The following POLD1 variants were observed in gnomAD, a reference collection of about 807,000 sequenced individuals.
POLD1 encodes the protein DNA polymerase delta catalytic subunit.
A neutral mutation model predicts 129.7 loss-of-function variants in POLD1; 79 were observed. The observed-to-expected ratio is 0.61, with a 90% confidence interval of 0.51 to 0.73. POLD1 has a LOEUF of 0.73. POLD1 is among the 30% of genes least tolerant of loss of function. The pLI is 0.00. For missense variants in POLD1, 1,338 were observed against 1,595.8 expected, an observed-to-expected ratio of 0.84 and a Z score of 2.75; for synonymous variants, 714 against 683.3, an observed-to-expected ratio of 1.04 and a Z score of -0.70.
intron 1 of POLD1, among the ~76,000 whole-genome samples, chr19:50,398,076 G>A (rs1472110659): frequency 6.6e-6 from 1 of 152,214 alleles, no homozygotes; most frequent in Non-Finnish European, 1.5e-5. Context: ...GAGAGAGGCG[G>A]TGAGAGAGCA....
At position 50,402,734 on chromosome 19, in the gene POLD1, C is replaced by A. The variant is rs2122260840; in HGVS notation, c.963C>A (p.Gly321=). The A allele has an allele frequency of 6.3e-7, 1 of 1,591,290 alleles. No individual in the cohort carries two copies. Among genetic ancestry groups the A allele is most frequent in the Non-Finnish European group, 8.6e-7 (1 of 1,164,748 alleles). ...RVLSFDIECA[G]RKGIFPEPER... ...TCAGCTTCGATATCGAGTGCGCCGG[C>A]CGCAAAGGTCTGTCCCCGGGCCCGG... The change falls in exon 8 of 27, where the codon GGC becomes GGA. Residue 321 remains glycine, a synonymous_variant. Transcript: ENST00000440232.
In POLD1 at chr19:50,408,824, G is replaced by C. The variant is rs767011677; in HGVS notation, c.1815G>C (p.Ser605=). 1 of 1,613,958 alleles carries C rather than the reference G, an allele frequency of 6.2e-7. No individual in the cohort carries two copies. The highest frequency in any genetic ancestry group is 8.5e-7 in the Non-Finnish European group (1 of 1,179,978). The change falls in exon 15 of 27, where the codon TCG becomes TCC. Residue 605 remains serine, a synonymous_variant. Transcript: ENST00000440232. ...CCATCGCCACCCTGGACTTCTCCTCGCTGTACCCGTCCATCATGATGGCCC... is the reference window on the plus strand; with the variant it reads ...CCATCGCCACCCTGGACTTCTCCTCCCTGTACCCGTCCATCATGATGGCCC... ...DVPIATLDFS[S]LYPSIMMAHN...
In POLD1 at chr19:50,407,031, G is replaced by A. The variant is rs1169141963; in HGVS notation, c.1543G>A (p.Asp515Asn). 6.2e-7 allele frequency: 1 copy of A among 1,613,628 alleles called. No individual in the cohort carries two copies. The highest frequency in any genetic ancestry group is 1.1e-5 in the South Asian group (1 of 91,070). The change falls in exon 13 of 27, where the codon GAT becomes AAT. Residue 515 changes from aspartate to asparagine, a missense_variant. By Grantham distance (23) the Asp-to-Asn change is conservative. Coordinates refer to ENST00000440232, the MANE Select transcript of POLD1 (RefSeq NM_002691.4). ...RRRLAVYCLK[D>N]AYLPLRLLER... ...CCGCCTGGCTGTGTACTGCCTGAAG[G>A]ATGCCTACCTGCCACTGCGGCTGCT...
At chr19:50,386,457 A>G (rs887854507) in intron 1 of POLD1, among the ~76,000 whole-genome samples, 1 of 152,190 alleles carries the variant, frequency 6.6e-6, no homozygotes, top group African/African-American at 2.4e-5. Flanking sequence ...GTCTTGAAGT[A>G]ACCGGACACT....
chr19:50,392,487 T>C (rs904678359), intron 1 of POLD1, among the ~76,000 whole-genome samples: 1 of 152,060 alleles, frequency 6.6e-6, no homozygotes, highest in African/African-American at 2.4e-5. Context: ...CTTTTTCTTG[T>C]TTTGTTTTGA....
intron 1 of POLD1, among the ~76,000 whole-genome samples, chr19:50,394,542 C>T (rs940457856): frequency 6.6e-6 from 1 of 152,052 alleles, no homozygotes; most frequent in African/African-American, 2.4e-5. Context: ...GTAATCCCAG[C>T]TACTCGGGAG....
At chr19:50,404,965 A>G (rs1427362543) in intron 10 of POLD1, among the ~76,000 whole-genome samples, 1 of 150,572 alleles carries the variant, frequency 6.6e-6, no homozygotes, top group Non-Finnish European at 1.5e-5. Flanking sequence ...GGGTTTCTCC[A>G]TGTTGGCCAG....
intron 26 of POLD1, among the ~76,000 whole-genome samples, 169 bp from the exon 27 acceptor site, chr19:50,417,673 C>T (rs992626350): frequency 8.5e-5 from 3 of 35,360 alleles, no homozygotes; most frequent in South Asian, 9.0e-4. Flanking sequence ...TTATCGGCTC[C>T]CCCCCCCCAC....
At position 50,399,277 on chromosome 19, in the gene POLD1, C is replaced by T. The variant is rs977883384; in HGVS notation, c.203-94C>T. 5 of 1,188,556 alleles carry T rather than the reference C, an allele frequency of 4.2e-6. No individual in the cohort carries two copies. The African/African-American group carries it at 7.6e-5, about 18-fold the overall frequency. 73.6% of individuals were successfully genotyped at this position (1,188,556 alleles called of 1,614,324 possible). A position where few individuals can be genotyped will look rare whatever the true frequency, so the allele number is the denominator to read the frequency against. On this transcript the variant is annotated intron_variant, in intron 2 of 26. Coordinates refer to ENST00000440232, the MANE Select transcript of POLD1 (RefSeq NM_002691.4). The stretch of plus-strand genomic sequence containing the variant: ...CAAGTTTCCTGCCTGACCCAGACCA[C>T]CACCTCTGCCTGGCTCCTTTCAGAA...
chr19:50,417,178 C>T lies in POLD1; in HGVS notation c.3127C>T (p.His1043Tyr), dbSNP rs2122506710. The T allele has an allele frequency of 1.9e-6, 3 of 1,604,564 alleles. No individual in the cohort carries two copies. The South Asian group carries it at 3.3e-5, about 18-fold the overall frequency. The change falls in exon 26 of 27, where the codon CAT becomes TAT. Residue 1043 changes from histidine (H) to tyrosine (Y), a missense_variant. Physicochemically the swap from His to Tyr is moderately conservative, Grantham distance 83 (BLOSUM62 2). Coordinates refer to ENST00000440232, the MANE Select transcript of POLD1 (RefSeq NM_002691.4). ...ESELYQKEVSHLNALEERFSR... is the reference protein window; with the variant it reads ...ESELYQKEVSYLNALEERFSR... ...CAGCCGCTGCCGTCCCCAGGTATCC[C>T]ATCTGAATGCCCTGGAGGAGCGCTT...
In POLD1 at chr19:50,407,423, C is replaced by T. The variant is rs1555791540; in HGVS notation, c.1775+8C>T. On this transcript the variant is annotated splice_region_variant and intron_variant, in intron 14 of 26. Coordinates refer to ENST00000440232, the MANE Select transcript of POLD1 (RefSeq NM_002691.4). ...CATCGAGCCCCTCAAAGGGTGAGGCCCCAGGCTGGGTGCAGTTTTTACCTG... is the reference window on the plus strand; with the variant it reads ...CATCGAGCCCCTCAAAGGGTGAGGCTCCAGGCTGGGTGCAGTTTTTACCTG... 4 of 1,581,696 alleles carry T rather than the reference C, an allele frequency of 2.5e-6. No individual in the cohort carries two copies. In the South Asian group the frequency reaches 4.6e-5, roughly 18 times the overall value.
intron 10 of POLD1, among the ~76,000 whole-genome samples, chr19:50,405,378 T>C (rs1381995740): frequency 6.6e-6 from 1 of 152,192 alleles, no homozygotes; most frequent in Non-Finnish European, 1.5e-5. Context: ...CAGCCCTTAA[T>C]GAGATATATT....
Position 50,415,773 on chromosome 19 carries a change from C to A in POLD1, c.2767C>A (p.Pro923Thr). 1.3e-6 allele frequency: 2 copies of A among 1,571,942 alleles called. No individual in the cohort carries two copies. The highest frequency in any genetic ancestry group is 1.2e-5 in the South Asian group (1 of 85,660). Residue 923 changes from proline to threonine, a missense_variant, in exon 22 of 27, where the codon CCC (proline) becomes ACC (threonine). By Grantham distance (38) the Pro-to-Thr change is conservative. This residue lies in a region of POLD1 where 286 missense variants were observed against 277.5 expected (regional missense o/e 1.03). Transcript: ENST00000440232. ...GSAPSLGDRV[P>T]YVIISAAKGV... ...TGCGCCCAGCCTGGGCGACCGCGTC[C>A]CCTACGTGATCATCAGTGCCGCCAA...
At chr19:50,385,772 ACTTGCCTC>A (rs1468658753) in intron 1 of POLD1, among the ~76,000 whole-genome samples, 6 of 151,890 alleles carry the variant, frequency 4.0e-5, no homozygotes. Flanking sequence ...CAGGTGATCC[ACTTGCCTC>A]GGCCTCCCAA....
chr19:50,417,109 G>A lies in POLD1; in HGVS notation c.3120+12G>A, dbSNP rs182231620. On this transcript the variant is annotated intron_variant, in intron 25 of 26. Transcript: ENST00000440232. ...TGTATCAGAAGGAGGTGAGAGGGCC[G>A]GGAGGTGAGGAGGGGCCAGGTGGGG... 1.7e-4 allele frequency: 271 copies of A among 1,564,622 alleles called. 1 individual carries two copies. The African/African-American group carries it at 3.2e-3, about 18-fold the overall frequency.
chr19:50,410,685 G>A (rs1438616592), intron 17 of POLD1, among the ~76,000 whole-genome samples: 3 of 152,164 alleles, frequency 2.0e-5, no homozygotes, highest in African/African-American at 7.2e-5. Context: ...TTGCCAGGCT[G>A]GCCCTCCTTC....
At chr19:50,410,469 C>A (rs1332926862) in intron 17 of POLD1, among the ~76,000 whole-genome samples, 2 of 152,080 alleles carry the variant, frequency 1.3e-5, no homozygotes, top group Non-Finnish European at 2.9e-5. Flanking sequence ...TTGCACACAC[C>A]CACCCACCCG....
chr19:50,413,363 C>G lies in POLD1; in HGVS notation c.2155-63C>G, dbSNP rs1048586829. The G allele has an allele frequency of 5.1e-6, 7 of 1,382,342 alleles. No individual in the cohort carries two copies. The African/African-American group carries it at 1.0e-4, about 20-fold the overall frequency. The allele number at this position is 1,382,342 out of a possible 1,614,324, so 85.6% of individuals were successfully genotyped here. On this transcript the variant is annotated intron_variant, in intron 17 of 26. Transcript: ENST00000440232. Reference sequence around the variant, plus strand: ...TGGCAGAGGCGGGACCCCTCCCCCGCCGGCCCACGTTCACTGCACATGGCC... The same window carrying G: ...TGGCAGAGGCGGGACCCCTCCCCCGGCGGCCCACGTTCACTGCACATGGCC...
chr19:50,399,233 C>G, intron 2 of POLD1, 138 bp from the exon 3 acceptor site: 1 of 1,154,246 alleles, frequency 8.7e-7, no homozygotes, highest in South Asian at 1.4e-5. Context: ...GGCCCTGACC[C>G]TTGACCCTCA....
Sources: allele counts gnomAD v4.1 joint callset (sites outside exome capture counted in the v4.1 genomes callset), GRCh38; gene constraint gnomAD v4.1.1; regional missense constraint gnomAD v4.1.1; transcripts MANE v1.5; gene names NCBI Gene and HGNC (gene_info 2026-07-23, HGNC 2026-07-21).